The following NADSYN1 variants were observed in gnomAD, a reference collection of about 807,000 sequenced individuals.
NADSYN1 encodes the protein NAD synthetase 1.
NADSYN1 carries 80 observed loss-of-function variants against 99.3 expected under a neutral mutation model. That is an observed-to-expected ratio of 0.81 (90% CI 0.67 to 0.97). NADSYN1 has a LOEUF of 0.97. NADSYN1 is among the 50% of genes least tolerant of loss of function. NADSYN1 has a pLI of 0.00. For synonymous variants in NADSYN1, 385 were observed against 372.1 expected, an observed-to-expected ratio of 1.03 and a Z score of -0.40; for missense variants, 859 against 948.5, an observed-to-expected ratio of 0.91 and a Z score of 1.24.
intron 5 of NADSYN1, among the ~76,000 whole-genome samples, chr11:71,464,822 T>C (rs956832769): frequency 2.1e-5 from 3 of 141,754 alleles, no homozygotes; most frequent in African/African-American, 8.1e-5. Context: ...GAGCCGAGAT[T>C]GCGCCACTGC....
intron 18 of NADSYN1, among the ~76,000 whole-genome samples, chr11:71,493,649 C>G (rs911284603): frequency 3.3e-5 from 5 of 152,126 alleles, no homozygotes; most frequent in African/African-American, 4.8e-5. Flanking sequence ...ATAATTAGAT[C>G]CGTGACCCTC....
At chr11:71,459,085 G>T (rs1482879102) in intron 3 of NADSYN1, 1 of 172,074 alleles carries the variant, frequency 5.8e-6, no homozygotes, top group African/African-American at 2.4e-5. Flanking sequence ...GCTCTGTGCT[G>T]GTGTCTGTGC....
chr11:71,462,562 G>A (rs1949557438), intron 3 of NADSYN1, among the ~76,000 whole-genome samples: 1 of 152,110 alleles, frequency 6.6e-6, no homozygotes, highest in African/African-American at 2.4e-5. Context: ...GTGTAGTTAG[G>A]ACCCCCTCGG....
chr11:71,501,245 C>G (rs1311262343), intron 20 of NADSYN1, 57 bp from the exon 21 acceptor site: 1 of 1,448,200 alleles, frequency 6.9e-7, no homozygotes, highest in Non-Finnish European at 9.2e-7. Context: ...GCCAGTGTTT[C>G]AACAGCCCCA....
chr11:71,482,308 G>A (rs184086099), intron 13 of NADSYN1, among the ~76,000 whole-genome samples: 8 of 152,206 alleles, frequency 5.3e-5, no homozygotes, highest in African/African-American at 9.7e-5. Context: ...GAACACAGGC[G>A]TCGGAGGTTC....
In NADSYN1 at chr11:71,476,994, C is replaced by T. The variant is rs1032545217; in HGVS notation, c.799-1401C>T. ...AGGCCTGCTGTATTCAGAGTGGCCG[C>T]GCTGTCCTCAGGCTCGGGCCACTGC... is the stretch of plus-strand genomic sequence containing the variant. On this transcript the variant is annotated intron_variant, in intron 9 of 20. Coordinates refer to ENST00000319023, the MANE Select transcript of NADSYN1 (RefSeq NM_018161.5). The T allele has an allele frequency of 1.2e-5, 13 of 1,044,810 alleles. No individual in the cohort carries two copies. The Admixed American group carries it at 2.6e-4, about 21-fold the overall frequency. 64.7% of individuals were successfully genotyped at this position (1,044,810 alleles called of 1,614,324 possible).
intron 5 of NADSYN1, among the ~76,000 whole-genome samples, chr11:71,470,049 G>A (rs1949617019): frequency 6.6e-6 from 1 of 152,164 alleles, no homozygotes; most frequent in Non-Finnish European, 1.5e-5. Context: ...ATGTGGCTGG[G>A]GAGGCCTCAC....
intron 5 of NADSYN1, among the ~76,000 whole-genome samples, chr11:71,470,040 T>C (rs1369726370): frequency 1.3e-5 from 2 of 151,914 alleles, no homozygotes; most frequent in African/African-American, 4.8e-5. Context: ...CACAGTTCCA[T>C]GTGGCTGGGG....
chr11:71,495,429 G>C (rs1012922485), intron 18 of NADSYN1, among the ~76,000 whole-genome samples: 3 of 152,216 alleles, frequency 2.0e-5, no homozygotes, highest in African/African-American at 4.8e-5. Context: ...CTTCTCTCGT[G>C]GCTCAGCAGA....
rs894434003 is a variant in NADSYN1, at chr11:71,495,427, G to A, written c.1765-2056G>A. ...TTTAAAGTTGTCTGAGGCTTCTCTCGTGGCTCAGCAGATGGTCTGACCTGG... is the reference window on the plus strand; with the variant it reads ...TTTAAAGTTGTCTGAGGCTTCTCTCATGGCTCAGCAGATGGTCTGACCTGG... On this transcript the variant is annotated intron_variant, in intron 18 of 20. Transcript: ENST00000319023. Among the ~76,000 whole-genome samples the A allele has an allele frequency of 2.6e-5, 4 of 152,300 alleles. No individual in the cohort carries two copies. The South Asian group carries it at 6.2e-4, about 24-fold the overall frequency.
intron 16 of NADSYN1, among the ~76,000 whole-genome samples, chr11:71,487,858 A>G (rs1949753079): frequency 6.6e-6 from 1 of 151,714 alleles, no homozygotes; most frequent in African/African-American, 2.4e-5. Context: ...AAAGAAAAGA[A>G]AAGAAAATAA....
chr11:71,499,507 T>A (rs1025284011), intron 20 of NADSYN1: 3 of 152,216 alleles, frequency 2.0e-5, no homozygotes, highest in African/African-American at 7.2e-5. Flanking sequence ...ACAATCACTG[T>A]CGTTTCTAAG....
intron 9 of NADSYN1, chr11:71,475,979 G>A: frequency 2.2e-6 from 1 of 454,826 alleles, no homozygotes; most frequent in South Asian, 1.6e-5. Flanking sequence ...CTCCCAAAGT[G>A]CTGGGATTAC....
chr11:71,471,302 T>C (rs1949625170), intron 5 of NADSYN1, among the ~76,000 whole-genome samples: 1 of 152,236 alleles, frequency 6.6e-6, no homozygotes, highest in African/African-American at 2.4e-5. Flanking sequence ...CTCTGGGAGC[T>C]GTGCCGAATG....
chr11:71,484,576 G>C, intron 15 of NADSYN1, 129 bp downstream of exon 15: 1 of 1,350,280 alleles, frequency 7.4e-7, no homozygotes, highest in South Asian at 1.5e-5. Context: ...CGGTTACCTA[G>C]GGACAGCCAG....
Position 71,484,405 on chromosome 11 carries a change from T to C in NADSYN1, c.1413T>C (p.His471=), listed in dbSNP as rs779757250. Residue 471 remains histidine (H), a synonymous_variant, in exon 15 of 21, where the codon CAT becomes CAC. Transcript: ENST00000319023. ...VTGKSPLFAA[H]GGSSRENLAL... ...GGAAGAGCCCTCTGTTTGCAGCTCA[T>C]GGAGGAAGCAGCAGGGAAAACCTGG... 29 of 1,614,034 alleles carry C rather than the reference T, an allele frequency of 1.8e-5. No homozygotes were observed. In the East Asian group the frequency reaches 6.2e-4, roughly 35 times the overall value.
intron 5 of NADSYN1, among the ~76,000 whole-genome samples, chr11:71,469,017 G>A (rs1185231210): frequency 6.6e-6 from 1 of 152,206 alleles, no homozygotes; most frequent in Non-Finnish European, 1.5e-5. Flanking sequence ...GAAAAGGAAG[G>A]CACAGTGTGA....
Position 71,501,312 on chromosome 11 carries a change from T to C in NADSYN1, c.2081T>C (p.Leu694Pro). ...GGCCTCTCTTTCCAGGTGCTACAGC[T>C]CGAGAGGGCAGAGCCACAGTCCCTG... is the stretch of plus-strand genomic sequence containing the variant. ...FRCIENQVLQ[L>P]ERAEPQSLDG... Residue 694 changes from leucine (L) to proline (P), a missense_variant, in exon 21 of 21, where the codon CTC becomes CCC. Leu to Pro is a moderately conservative substitution (Grantham distance 98). Transcript: ENST00000319023. 6.3e-7 allele frequency: 1 copy of C among 1,598,816 alleles called. No individual in the cohort carries two copies. Among genetic ancestry groups the C allele is most frequent in the Non-Finnish European group, 8.5e-7 (1 of 1,172,912 alleles).
At chr11:71,487,846 A>AAAAG (rs1555151641) in intron 16 of NADSYN1, among the ~76,000 whole-genome samples, 44 of 148,710 alleles carry the variant, frequency 3.0e-4, no homozygotes, top group Non-Finnish European at 1.6e-4. Flanking sequence ...AAAAAAAAAA[A>AAAAG]AAAAGAAAAG....
Sources: gnomAD v4.1 joint callset for allele counts (sites outside exome capture counted in the v4.1 genomes callset) on GRCh38, gnomAD v4.1.1 for gene constraint, MANE v1.5 for transcripts, NCBI Gene and HGNC (gene_info 2026-07-23, HGNC 2026-07-21) for gene names.